APBA2: variants seen among roughly 807,000 people sequenced by gnomAD.
The protein encoded by APBA2 is amyloid-beta A4 precursor protein-binding family A member 2.
Under a neutral mutation model 75.0 loss-of-function variants are expected in APBA2, and 30 were observed. That is an observed-to-expected ratio of 0.40 (90% confidence interval 0.30 to 0.54). The LOEUF (loss-of-function observed/expected upper bound fraction) is 0.54, where lower values mean the gene tolerates loss of function less well. APBA2 is among the 20% of genes least tolerant of loss of function. The pLI, the probability that APBA2 is intolerant of heterozygous loss-of-function variation, is 0.49. For synonymous variants in APBA2, 444 were observed against 409.6 expected, an observed-to-expected ratio of 1.08 and a Z score of -1.01; for missense variants, 801 against 1,016.1, an observed-to-expected ratio of 0.79 and a Z score of 2.88.
chr15:29,006,286 A>G (rs1425602266), intron 3 of APBA2, among the ~76,000 whole-genome samples: 1 of 152,222 alleles, frequency 6.6e-6, no homozygotes, highest in East Asian at 1.9e-4. Flanking sequence ...TATCAGTTGC[A>G]TTTCTATACA....
chr15:29,090,616 A>C (rs1566995352), intron 6 of APBA2, among the ~76,000 whole-genome samples: 1 of 152,114 alleles, frequency 6.6e-6, no homozygotes, highest in Non-Finnish European at 1.5e-5. Context: ...ACACTCGCCC[A>C]AGGCCCTGCT....
chr15:29,113,848 G>A (rs752069128), intron 13 of APBA2, 28 bp from the exon 14 acceptor site: 26 of 1,593,732 alleles, frequency 1.6e-5, no homozygotes, highest in Non-Finnish European at 2.0e-5. Flanking sequence ...GCGGGAACAC[G>A]TGTGCTGACC....
At chr15:28,982,616 T>C (rs6495773) in intron 2 of APBA2, among the ~76,000 whole-genome samples, 46,396 of 151,914 alleles carry the variant, frequency 0.31, 11,738 homozygotes, top group African/African-American at 0.68. Context: ...TATATTCGAT[T>C]GTCAGAAGTC....
At chr15:29,033,943 C>T (rs546034594) in intron 3 of APBA2, among the ~76,000 whole-genome samples, 17 of 119,194 alleles carry the variant, frequency 1.4e-4, no homozygotes, top group African/African-American at 3.8e-4. Context: ...CCAGCCTGGG[C>T]GACAGAGTGA....
intron 14 of APBA2, among the ~76,000 whole-genome samples, chr15:29,115,410 A>G (rs1422987312): frequency 6.6e-6 from 1 of 151,956 alleles, no homozygotes; most frequent in Non-Finnish European, 1.5e-5. Context: ...GCTCAGGAGG[A>G]GGAGGGGCCA....
rs11408948 is a variant in APBA2, at chr15:29,026,759, G to GAA, written c.-40-27075_-40-27074dup. Reference sequence around the variant, plus strand: ...AAACCCCGTCTCTACTGAAAATACAGAAAAAAAAAAAATTAGCTGGGCATG... The same window carrying GAA: ...AAACCCCGTCTCTACTGAAAATACAGAAAAAAAAAAAAAATTAGCTGGGCATG... On this transcript the variant is annotated intron_variant, in intron 3 of 14. Coordinates refer to ENST00000683413, the MANE Select transcript of APBA2 (RefSeq NM_001353788.2). Among the ~76,000 whole-genome samples the GAA allele has an allele frequency of 7.0e-3, 1,022 of 145,946 alleles. 6 individuals are homozygous for GAA. Among genetic ancestry groups the GAA allele is most frequent in the Admixed American group, 7.9e-3 (117 of 14,754 alleles).
chr15:28,950,751 G>T (rs541724583), intron 2 of APBA2, among the ~76,000 whole-genome samples: 23 of 152,306 alleles, frequency 1.5e-4, no homozygotes, highest in African/African-American at 5.5e-4. Context: ...CCTTCATGGG[G>T]GGTGGGGATA....
At chr15:29,105,355 C>A (rs747530949) in intron 10 of APBA2, 24 bp from the exon 11 acceptor site, 5 of 1,605,600 alleles carry the variant, frequency 3.1e-6, no homozygotes, top group Admixed American at 3.3e-5. Context: ...GTGCCTGTCT[C>A]CAGCTGGCCT....
intron 2 of APBA2, among the ~76,000 whole-genome samples, chr15:28,931,199 T>G (rs1224856140): frequency 2.6e-5 from 4 of 152,190 alleles, no homozygotes; most frequent in Non-Finnish European, 5.9e-5. Context: ...GGAGCATCTG[T>G]TGATGTGGGA....
intron 3 of APBA2, among the ~76,000 whole-genome samples, chr15:29,033,619 A>T (rs1029857264): frequency 6.6e-6 from 1 of 152,058 alleles, no homozygotes; most frequent in African/African-American, 2.4e-5. Context: ...ATACTTAACA[A>T]TGACAGTTTC....
intron 11 of APBA2, 60 bp from the exon 12 acceptor site, chr15:29,106,547 C>T: frequency 1.3e-6 from 2 of 1,583,170 alleles, no homozygotes; most frequent in Non-Finnish European, 1.7e-6. Flanking sequence ...TCCTGTGGGT[C>T]CTTGGCAGAG....
chr15:28,947,778 A>G (rs566316145), intron 2 of APBA2, among the ~76,000 whole-genome samples: 11 of 152,250 alleles, frequency 7.2e-5, no homozygotes, highest in African/African-American at 2.6e-4. Context: ...GGAGTGAACG[A>G]TTGACTTTTT....
intron 1 of APBA2, among the ~76,000 whole-genome samples, chr15:28,909,461 A>T (rs1041356354): frequency 6.6e-6 from 1 of 152,220 alleles, no homozygotes; most frequent in African/African-American, 2.4e-5. Flanking sequence ...CTTAGGGCTG[A>T]CTACTGCCCC....
intron 2 of APBA2, among the ~76,000 whole-genome samples, chr15:28,959,692 G>A (rs2036363094): frequency 1.3e-5 from 2 of 152,226 alleles, no homozygotes; most frequent in African/African-American, 4.8e-5. Context: ...GTGTGCTATT[G>A]TTCAGTGTCA....
intron 6 of APBA2, among the ~76,000 whole-genome samples, chr15:29,077,076 G>A (rs996243510): frequency 1.3e-5 from 2 of 152,172 alleles, no homozygotes; most frequent in African/African-American, 4.8e-5. Context: ...TTAATATCAT[G>A]CAATTGAGAT....
rs59908143 is a variant in APBA2 at position 29,106,019 on chromosome 15, T to C, written c.1704+461T>C. On this transcript the variant is annotated intron_variant, in intron 11 of 14. Transcript: ENST00000683413. The stretch of plus-strand genomic sequence containing the variant: ...GGGGATGGCCCATACCTGGACTGTT[T>C]GTTAAATGGCTGAATGATTGTGTCT... Among the ~76,000 whole-genome samples, 193 of 152,336 alleles carry C rather than the reference T, an allele frequency of 1.3e-3. 1 individual carries two copies. The highest frequency in any genetic ancestry group is 4.4e-3 in the African/African-American group (185 of 41,586).
At chr15:28,977,793 A>G (rs1293926060) in intron 2 of APBA2, among the ~76,000 whole-genome samples, 3 of 152,150 alleles carry the variant, frequency 2.0e-5, no homozygotes, top group Non-Finnish European at 2.9e-5. Context: ...TGCCTAGTAC[A>G]GAAATGCTGA....
intron 6 of APBA2, among the ~76,000 whole-genome samples, chr15:29,082,879 G>T (rs2043140690): frequency 6.6e-6 from 1 of 152,090 alleles, no homozygotes; most frequent in Non-Finnish European, 1.5e-5. Context: ...TGGGCAACAT[G>T]GTGAAACTCC....
At chr15:28,942,856 G>A (rs1018768566) in intron 2 of APBA2, among the ~76,000 whole-genome samples, 1 of 152,208 alleles carries the variant, frequency 6.6e-6, no homozygotes, top group Admixed American at 6.5e-5. Flanking sequence ...TTCTCCCCGG[G>A]CTGGGCCTGC....
Sources: allele counts gnomAD v4.1 joint callset (sites outside exome capture counted in the v4.1 genomes callset), GRCh38; gene constraint gnomAD v4.1.1; transcripts MANE v1.5; gene names NCBI Gene and HGNC (gene_info 2026-07-23, HGNC 2026-07-21).